The following EPS15 variants were observed in gnomAD, a reference collection of about 807,000 sequenced individuals.
EPS15 encodes the protein epidermal growth factor receptor pathway substrate 15.
Under a neutral mutation model 113.8 loss-of-function variants are expected in EPS15, and 72 were observed. The observed-to-expected ratio is 0.63, with a 90% confidence interval of 0.52 to 0.77. The LOEUF is 0.77. Ranked by LOEUF, EPS15 falls within the 30% of genes least tolerant of loss-of-function variation. EPS15 has a pLI of 0.00. For synonymous variants in EPS15, 344 were observed against 363.4 expected, an observed-to-expected ratio of 0.95 and a Z score of 0.61; for missense variants, 1,048 against 1,045.8, an observed-to-expected ratio of 1.00 and a Z score of -0.03.
intron 18 of EPS15, among the ~76,000 whole-genome samples, chr1:51,401,558 G>A (rs938498418): frequency 6.6e-6 from 1 of 152,194 alleles, no homozygotes; most frequent in Non-Finnish European, 1.5e-5. Context: ...TGCGACTTAG[G>A]TAATAGTTTC....
At chr1:51,479,990 G>T (rs1395384039) in intron 2 of EPS15, among the ~76,000 whole-genome samples, 1 of 152,210 alleles carries the variant, frequency 6.6e-6, no homozygotes, top group African/African-American at 2.4e-5. Context: ...GTGAAATATG[G>T]TGGAGAGAAT....
intron 8 of EPS15, among the ~76,000 whole-genome samples, chr1:51,451,983 G>A (rs372924830): frequency 6.6e-6 from 1 of 151,718 alleles, no homozygotes; most frequent in South Asian, 2.1e-4. Flanking sequence ...CTGGGCTCAA[G>A]CCTTCCTCCC....
At chr1:51,357,740 CTT>C (rs397978269) in intron 24 of EPS15, among the ~76,000 whole-genome samples, 17 of 133,000 alleles carry the variant, frequency 1.3e-4, no homozygotes, top group Non-Finnish European at 8.1e-5. Flanking sequence ...TAAACCTAAT[CTT>C]TTTTTTTTTT....
Position 51,472,904 on chromosome 1 carries a change from A to G in EPS15, c.120T>C (p.Ala40=), listed in dbSNP as rs1311686933. 6.2e-7 allele frequency: 1 copy of G among 1,613,926 alleles called. No homozygotes were observed. Among genetic ancestry groups the G allele is most frequent in the Non-Finnish European group, 8.5e-7 (1 of 1,179,834 alleles). The change falls in exon 3 of 25, where the codon GCT becomes GCC. Residue 40 remains alanine (A), a synonymous_variant. Coordinates refer to ENST00000371733, the MANE Select transcript of EPS15 (RefSeq NM_001981.3). The part of the protein sequence containing the change: ...NTGRVLASDA[A]AFLKKSGLPD... ...GAAGCCCTGATTTTTTCAGGAAAGC[A>G]GCAGCATCAGAAGCCAACACCCTTC...
chr1:51,472,859 C>A lies in EPS15; in HGVS notation c.165G>T (p.Lys55Asn). 1 of 1,608,348 alleles carries A rather than the reference C, an allele frequency of 6.2e-7. No individual in the cohort carries two copies. Among genetic ancestry groups the A allele is most frequent in the African/African-American group, 1.3e-5 (1 of 74,940 alleles). ...KSGLPDLILGKIWDLADTDGK... is the reference protein window; with the variant it reads ...KSGLPDLILGNIWDLADTDGK... ...TCTAGTTATAATGAACGAATACTAC[C>A]TTTCCAAGTATCAAGTCTGGAAGCC... The change falls in exon 3 of 25, where the codon AAG becomes AAT. Residue 55 changes from lysine (K) to asparagine (N), a missense_variant and splice_region_variant. Physicochemically the swap from Lys to Asn is moderately conservative, Grantham distance 94. Coordinates refer to ENST00000371733, the MANE Select transcript of EPS15 (RefSeq NM_001981.3).
chr1:51,430,592 T>C (rs2148461596), intron 12 of EPS15, among the ~76,000 whole-genome samples: 1 of 151,036 alleles, frequency 6.6e-6, no homozygotes, highest in Non-Finnish European at 1.5e-5. Context: ...AAATCAAGAA[T>C]TCGTAGTTCA....
chr1:51,514,831 T>C (rs72674576), intron 1 of EPS15, among the ~76,000 whole-genome samples: 9,396 of 152,296 alleles, frequency 0.062, 305 homozygotes, highest in Non-Finnish European at 0.074. Flanking sequence ...GATATCTCTC[T>C]CAAGAGATTT....
At chr1:51,459,789 A>C (rs1487708156) in intron 8 of EPS15, among the ~76,000 whole-genome samples, 1 of 152,108 alleles carries the variant, frequency 6.6e-6, no homozygotes, top group Non-Finnish European at 1.5e-5. Context: ...TAAAACTAAA[A>C]ATTATCTAAA....
chr1:51,375,294 C>T (rs1340428882), intron 21 of EPS15, among the ~76,000 whole-genome samples: 2 of 152,130 alleles, frequency 1.3e-5, no homozygotes, highest in Non-Finnish European at 2.9e-5. Context: ...AGCCACCGCG[C>T]CCGACTATAT....
At chr1:51,457,060 C>T (rs1271940174) in intron 8 of EPS15, among the ~76,000 whole-genome samples, 1 of 151,992 alleles carries the variant, frequency 6.6e-6, no homozygotes, top group African/African-American at 2.4e-5. Context: ...CCGAGGCGGG[C>T]AGATCACGAG....
chr1:51,460,309 C>A (rs1654346604), intron 8 of EPS15, among the ~76,000 whole-genome samples: 1 of 152,142 alleles, frequency 6.6e-6, no homozygotes, highest in African/African-American at 2.4e-5. Context: ...GAGGTGAATA[C>A]AACCATATTT....
chr1:51,414,095 A>G (rs975062853), intron 13 of EPS15, among the ~76,000 whole-genome samples: 22 of 152,250 alleles, frequency 1.4e-4, no homozygotes, highest in Admixed American at 3.3e-4. Flanking sequence ...CTGCAGATCT[A>G]AAGTAATTTT....
chr1:51,390,870 C>G (rs1240061462), intron 21 of EPS15, among the ~76,000 whole-genome samples: 1 of 152,188 alleles, frequency 6.6e-6, no homozygotes, highest in African/African-American at 2.4e-5. Context: ...GTTGGTGGGA[C>G]TGTCAACTAG....
At chr1:51,393,778 A>C (rs888565622) in intron 21 of EPS15, among the ~76,000 whole-genome samples, 3 of 152,250 alleles carry the variant, frequency 2.0e-5, no homozygotes, top group African/African-American at 7.2e-5. Context: ...GCTTTTTGTC[A>C]GACCTAATAT....
intron 1 of EPS15, among the ~76,000 whole-genome samples, chr1:51,518,776 G>C (rs1411431959): frequency 4.0e-5 from 6 of 151,772 alleles, no homozygotes; most frequent in Non-Finnish European, 8.8e-5. Context: ...AGCCTCGTGC[G>C]GCCCGGGGGT....
At chr1:51,482,686 G>A (rs556848879) in intron 1 of EPS15, among the ~76,000 whole-genome samples, 19 of 152,080 alleles carry the variant, frequency 1.2e-4, no homozygotes, top group African/African-American at 3.6e-4. Flanking sequence ...GGCTGGTCTC[G>A]AACTCCTGAT....
intron 2 of EPS15, among the ~76,000 whole-genome samples, chr1:51,475,572 G>C (rs1359438759): frequency 2.0e-5 from 3 of 152,158 alleles, no homozygotes; most frequent in Non-Finnish European, 4.4e-5. Flanking sequence ...GTAGATTCTG[G>C]ATATTAGCCC....
chr1:51,404,686 C>A (rs1332465849), intron 16 of EPS15, among the ~76,000 whole-genome samples: 1 of 152,148 alleles, frequency 6.6e-6, no homozygotes, highest in Non-Finnish European at 1.5e-5. Flanking sequence ...AGGATAAATC[C>A]CCCAATGCTT....
intron 1 of EPS15, among the ~76,000 whole-genome samples, chr1:51,489,601 A>C (rs535687823): frequency 2.6e-5 from 4 of 152,160 alleles, no homozygotes; most frequent in African/African-American, 9.6e-5. Context: ...TATAATTCCC[A>C]GTCGTCTGTT....
Sources: gnomAD v4.1 joint callset for allele counts (sites outside exome capture counted in the v4.1 genomes callset) on GRCh38, gnomAD v4.1.1 for gene constraint, MANE v1.5 for transcripts, NCBI Gene and HGNC (gene_info 2026-07-23, HGNC 2026-07-21) for gene names.